The following PTPN11 variants were observed in gnomAD, a reference collection of about 807,000 sequenced individuals.
The protein encoded by PTPN11 is protein tyrosine phosphatase non-receptor type 11, also known as tyrosine-protein phosphatase non-receptor type 11.
A neutral mutation model predicts 78.8 loss-of-function variants in PTPN11; 6 were observed. The ratio of observed to expected loss-of-function variants is 0.08; its 90% CI spans 0.04 to 0.15. The LOEUF (loss-of-function observed/expected upper bound fraction) is 0.15, where lower values mean the gene tolerates loss of function less well. Among genes scored for constraint, PTPN11 ranks in the 10% least tolerant of loss-of-function variants. PTPN11 has a pLI of 1.00. For synonymous variants in PTPN11, 221 were observed against 263.5 expected (o/e 0.84, Z 1.56); for missense variants, 386 against 744.8 (o/e 0.52, Z 5.61).
chr12:112,455,380 T>C (rs942482308), intron 5 of PTPN11, among the ~76,000 whole-genome samples: 46 of 151,354 alleles, frequency 3.0e-4, no homozygotes, highest in African/African-American at 1.0e-3. Context: ...GGATTATAGG[T>C]GGTGCCACTA....
rs397507531 is a variant in PTPN11 at position 112,473,040 on chromosome 12, T to C, written c.853T>C (p.Phe285Leu). The C allele has an allele frequency of 6.3e-7, 1 of 1,589,234 alleles. No homozygotes were observed. The highest frequency in any genetic ancestry group is 8.6e-7 in the Non-Finnish European group (1 of 1,157,698). Residue 285 changes from phenylalanine to leucine, a missense_variant and splice_region_variant, in exon 7 of 16, where the codon TTT becomes CTT. Physicochemically the swap from Phe to Leu is conservative, Grantham distance 22. Around this residue, in one of 3 missense-constraint regions of PTPN11, gnomAD observed 279 missense variants for 503.3 expected, o/e 0.55. Coordinates refer to ENST00000351677, the MANE Select transcript of PTPN11 (RefSeq NM_002834.5). ...NKNRYKNILP[F>L]DHTRVVLHDG... Reference sequence around the variant, plus strand: ...AAATAGATATAAAAACATCCTGCCCTGTAAGTATCAATATTCCGCTCAGTA... The same window carrying C: ...AAATAGATATAAAAACATCCTGCCCCGTAAGTATCAATATTCCGCTCAGTA...
chr12:112,442,854 ATATATATATATATATATATATATAAATT>A (rs1209184005), intron 1 of PTPN11, among the ~76,000 whole-genome samples: 4 of 95,204 alleles, frequency 4.2e-5, no homozygotes, highest in African/African-American at 1.7e-4. Context: ...ATATATATAT[ATATATATATATATATATATATATAAATT>A]ATATATACAC....
intron 6 of PTPN11, among the ~76,000 whole-genome samples, chr12:112,471,428 C>T (rs1474991135): frequency 3.6e-5 from 5 of 137,614 alleles, no homozygotes; most frequent in Admixed American, 1.5e-4. Context: ...GCTGGAGTGC[C>T]GTGGCTCCAT....
In PTPN11 at chr12:112,444,697, G is replaced by A. The variant is rs1406534889; in HGVS notation, c.15-1579G>A. On this transcript the variant is annotated intron_variant, in intron 1 of 15. Coordinates refer to ENST00000351677, the MANE Select transcript of PTPN11 (RefSeq NM_002834.5). ...TAAAAAAATAGGAAACTAAGAGAAT[G>A]AACTATTTCCTGTTTTATTCAGTGG... 2.0e-5 allele frequency among the ~76,000 whole-genome samples: 3 copies of A among 152,218 alleles called. No homozygotes were observed. In the South Asian group the frequency reaches 6.2e-4, roughly 32 times the overall value.
chr12:112,424,411 G>T (rs1308074934), intron 1 of PTPN11, among the ~76,000 whole-genome samples: 2 of 152,140 alleles, frequency 1.3e-5, no homozygotes, highest in African/African-American at 2.4e-5. Context: ...ATCATAGAAG[G>T]ATGTGATCGG....
At chr12:112,434,122 T>TA in intron 1 of PTPN11, among the ~76,000 whole-genome samples, 1 of 150,400 alleles carries the variant, frequency 6.6e-6, no homozygotes, top group East Asian at 2.0e-4. Flanking sequence ...CTACAAAAAA[T>TA]AAAAAAAATT....
At chr12:112,485,905 C>T (rs2038667067) in intron 10 of PTPN11, among the ~76,000 whole-genome samples, 2 of 151,334 alleles carry the variant, frequency 1.3e-5, no homozygotes, top group Non-Finnish European at 2.9e-5. Context: ...GGCTTGAACC[C>T]GGGAGGCAGA....
intron 6 of PTPN11, among the ~76,000 whole-genome samples, chr12:112,463,254 G>GA (rs141132910): frequency 0.012 from 1,726 of 147,296 alleles, 11 homozygotes; most frequent in Non-Finnish European, 0.019. Context: ...AAAAAGAGAA[G>GA]AAAAAAAAAA....
intron 6 of PTPN11, among the ~76,000 whole-genome samples, chr12:112,458,700 G>C (rs1231252641): frequency 6.6e-6 from 1 of 152,188 alleles, no homozygotes; most frequent in East Asian, 1.9e-4. Flanking sequence ...GGAGCTTTTA[G>C]TTGAGAGAAG....
chr12:112,425,246 G>C (rs1413594072), intron 1 of PTPN11, among the ~76,000 whole-genome samples: 1 of 152,052 alleles, frequency 6.6e-6, no homozygotes, highest in Non-Finnish European at 1.5e-5. Context: ...ATGTTCATCA[G>C]TGGGGGGGGC....
intron 6 of PTPN11, among the ~76,000 whole-genome samples, chr12:112,461,562 A>G (rs896756608): frequency 6.6e-6 from 1 of 152,050 alleles, no homozygotes; most frequent in African/African-American, 2.4e-5. Flanking sequence ...TCTGGGCTCA[A>G]GCAATCTTTC....
rs2037994651 is a variant in PTPN11 at position 112,446,365 on chromosome 12, A to T, written c.104A>T (p.Lys35Ile). ...GGCAGTTTTTTGGCAAGGCCTAGTA[A>T]AAGTAACCCTGGAGACTTCACACTT... ...VDGSFLARPS[K>I]SNPGDFTLSV... The change falls in exon 2 of 16, where the codon AAA becomes ATA. Residue 35 changes from lysine to isoleucine, a missense_variant. Physicochemically the swap from Lys to Ile is moderately radical, Grantham distance 102. Transcript: ENST00000351677. 6.2e-7 allele frequency: 1 copy of T among 1,614,048 alleles called. No homozygotes were observed. The highest frequency in any genetic ancestry group is 8.5e-7 in the Non-Finnish European group (1 of 1,180,032).
intron 15 of PTPN11, among the ~76,000 whole-genome samples, chr12:112,505,472 GC>G (rs1197783694): frequency 1.3e-5 from 2 of 151,932 alleles, no homozygotes; most frequent in African/African-American, 4.8e-5. Context: ...TTCGAGACCA[GC>G]CTGACCAACT....
At chr12:112,492,068 A>G (rs552411888) in intron 13 of PTPN11, among the ~76,000 whole-genome samples, 1 of 152,282 alleles carries the variant, frequency 6.6e-6, no homozygotes, top group Admixed American at 6.5e-5. Flanking sequence ...TTTATTTTTC[A>G]TGACCTGGAT....
chr12:112,420,196 C>T (rs182758581), intron 1 of PTPN11, among the ~76,000 whole-genome samples: 1 of 152,234 alleles, frequency 6.6e-6, no homozygotes, highest in East Asian at 1.9e-4. Flanking sequence ...GATAGTGATC[C>T]TGCTATTTTG....
chr12:112,500,278 C>T (rs574422686), intron 13 of PTPN11, among the ~76,000 whole-genome samples: 28 of 152,062 alleles, frequency 1.8e-4, no homozygotes, highest in Non-Finnish European at 3.8e-4. Context: ...AATGTTCTTG[C>T]CAATTCTTCC....
chr12:112,420,363 G>GGAGACGGA (rs1277469482), intron 1 of PTPN11, among the ~76,000 whole-genome samples: 15 of 138,422 alleles, frequency 1.1e-4, no homozygotes, highest in Non-Finnish European at 2.0e-4. Context: ...TTTTTTTTTT[G>GGAGACGGA]GAGACGGAGG....
chr12:112,435,525 G>T (rs967789555), intron 1 of PTPN11, among the ~76,000 whole-genome samples: 1 of 152,036 alleles, frequency 6.6e-6, no homozygotes, highest in Non-Finnish European at 1.5e-5. Flanking sequence ...TGAAGCAACC[G>T]CTGAGCCTGC....
At chr12:112,467,649 A>C (rs182708272) in intron 6 of PTPN11, among the ~76,000 whole-genome samples, 2 of 152,054 alleles carry the variant, frequency 1.3e-5, no homozygotes, top group Non-Finnish European at 2.9e-5. Flanking sequence ...CGCGCATCAC[A>C]ATGCCCAGCT....
Sources: gnomAD v4.1 joint callset for allele counts (sites outside exome capture counted in the v4.1 genomes callset) on GRCh38, gnomAD v4.1.1 for gene constraint, gnomAD v4.1.1 regional missense constraint, MANE v1.5 for transcripts, NCBI Gene and HGNC (gene_info 2026-07-23, HGNC 2026-07-21) for gene names.